The following PASD1 variants were observed in gnomAD, a reference collection of about 807,000 sequenced individuals.
PASD1 encodes circadian clock protein PASD1.
Under a neutral mutation model 58.8 loss-of-function variants are expected in PASD1, and 13 were observed. That is an observed-to-expected ratio of 0.22 (90% confidence interval 0.14 to 0.35). PASD1 has a LOEUF of 0.35. Ranked by LOEUF, PASD1 falls within the 10% of genes least tolerant of loss-of-function variation. The pLI, the probability that PASD1 is intolerant of heterozygous loss-of-function variation, is 1.00. For synonymous variants in PASD1, 236 were observed against 216.7 expected (o/e 1.09, Z -0.78); for missense variants, 734 against 568.3 (o/e 1.29, Z -2.96).
chrX:151,668,762 T>C lies in PASD1; in HGVS notation c.1072-2276T>C, dbSNP rs766663015. Among the ~76,000 whole-genome samples, 8 of 109,955 alleles carry C rather than the reference T, an allele frequency of 7.3e-5. No individual in the cohort carries two copies. The Admixed American group carries it at 7.8e-4, about 11-fold the overall frequency. On this transcript the variant is annotated intron_variant, in intron 11 of 15. Transcript: ENST00000370357. ...GTCCAGGACCAGATGGATTCACAGC[T>C]GAATTCTACCAGAGGTACAAGGAGG...
chrX:151,631,452 C>A (rs560050240), intron 8 of PASD1, among the ~76,000 whole-genome samples: 3 of 112,082 alleles, frequency 2.7e-5, no homozygotes, highest in East Asian at 2.8e-4. Flanking sequence ...AAACATTTTT[C>A]TTTTTAATTT....
chrX:151,565,558 CTTT>C (rs745371329), intron 1 of PASD1, among the ~76,000 whole-genome samples: 18 of 84,116 alleles, frequency 2.1e-4, no homozygotes, highest in South Asian at 1.0e-3. Flanking sequence ...TTTTTCCTTA[CTTT>C]TTTTTTTTTT....
rs2014351916 is a variant in PASD1, at chrX:151,664,336, C to T, written c.1059C>T (p.Gly353=). The change falls in exon 11 of 16, where the codon GGC becomes GGT. Residue 353 remains glycine, a synonymous_variant. Transcript: ENST00000370357. ...ACTCAGTGGACCTGGGGGCTGCTGGCGCAAGTGCTCAGGTACTCTGAAAGT... is the reference window on the plus strand; with the variant it reads ...ACTCAGTGGACCTGGGGGCTGCTGGTGCAAGTGCTCAGGTACTCTGAAAGT... The part of the protein sequence containing the change: ...PEDSVDLGAA[G]ASAQPLQPSS... The T allele has an allele frequency of 2.0e-5, 24 of 1,211,431 alleles. No individual in the cohort carries two copies. The highest frequency in any genetic ancestry group is 2.6e-5 in the Non-Finnish European group (23 of 895,400).
chrX:151,583,215 T>C (rs972247351), intron 1 of PASD1, among the ~76,000 whole-genome samples: 3 of 112,177 alleles, frequency 2.7e-5, no homozygotes, highest in Non-Finnish European at 5.6e-5. Context: ...TTGGGAAAGT[T>C]AGCAAAAATA....
chrX:151,662,556 G>A (rs1240943905), intron 10 of PASD1, among the ~76,000 whole-genome samples: 1 of 111,089 alleles, frequency 9.0e-6, no homozygotes, highest in Non-Finnish European at 1.9e-5. Flanking sequence ...AGTGGACTAG[G>A]AAAGATGTCT....
At chrX:151,657,261 A>C (rs2014254024) in intron 9 of PASD1, among the ~76,000 whole-genome samples, 1 of 111,920 alleles carries the variant, frequency 8.9e-6, no homozygotes, top group African/African-American at 3.3e-5. Context: ...TCTGTTTGCC[A>C]GTATTTTATT....
intron 11 of PASD1, among the ~76,000 whole-genome samples, chrX:151,666,545 C>T (rs1013737964): frequency 9.5e-6 from 1 of 105,323 alleles, no homozygotes; most frequent in African/African-American, 3.5e-5. Context: ...TCCCCCCACC[C>T]CATGACAGGC....
intron 1 of PASD1, among the ~76,000 whole-genome samples, chrX:151,590,665 C>T (rs922635570): frequency 4.7e-4 from 52 of 111,461 alleles, no homozygotes; most frequent in Non-Finnish European, 1.1e-4. Context: ...ACTGCAACCT[C>T]CGCCTCCCAG....
chrX:151,582,749 A>T (rs748565157), intron 1 of PASD1, among the ~76,000 whole-genome samples: 2 of 111,420 alleles, frequency 1.8e-5, no homozygotes, highest in Non-Finnish European at 3.8e-5. Context: ...ATTCTCAAAT[A>T]TTCAAATCCC....
chrX:151,573,254 G>A (rs142631103), intron 1 of PASD1, among the ~76,000 whole-genome samples: 1,819 of 110,585 alleles, frequency 0.016, 34 homozygotes, highest in African/African-American at 0.057. Context: ...CCCCAACCTC[G>A]GGGATTACAA....
intron 6 of PASD1, among the ~76,000 whole-genome samples, chrX:151,622,310 C>G (rs2013723090): frequency 9.1e-6 from 1 of 109,960 alleles, no homozygotes; most frequent in South Asian, 3.9e-4. Flanking sequence ...AGGTAAATAG[C>G]CCAAATAGCT....
rs1438339809 is a variant in PASD1, at chrX:151,609,034, T to G, written c.118-2630T>G. On this transcript the variant is annotated intron_variant, in intron 3 of 15. Transcript: ENST00000370357. Reference sequence around the variant, plus strand: ...CTTGATTCTGTCCATTGTGTCATTATTTTTTGTTTTATTAATTTCTGCTCT... The same window carrying G: ...CTTGATTCTGTCCATTGTGTCATTAGTTTTTGTTTTATTAATTTCTGCTCT... 2.7e-5 allele frequency among the ~76,000 whole-genome samples: 3 copies of G among 111,773 alleles called. No individual in the cohort carries two copies. In the East Asian group the frequency reaches 8.3e-4, roughly 31 times the overall value.
chrX:151,588,851 C>T (rs931906827), intron 1 of PASD1, among the ~76,000 whole-genome samples: 1 of 111,732 alleles, frequency 8.9e-6, no homozygotes, highest in Non-Finnish European at 1.9e-5. Flanking sequence ...CTCAATTAGG[C>T]CCAGAAACTC....
At chrX:151,619,321 T>G (rs757946275) in intron 4 of PASD1, among the ~76,000 whole-genome samples, 13 of 111,733 alleles carry the variant, frequency 1.2e-4, no homozygotes, top group Non-Finnish European at 2.4e-4. Flanking sequence ...AGATCAGTTC[T>G]TTTTGGATAT....
chrX:151,590,313 G>A (rs1346859628), intron 1 of PASD1, among the ~76,000 whole-genome samples: 3 of 112,111 alleles, frequency 2.7e-5, no homozygotes. Context: ...CCTGAGATAT[G>A]TAAGTAAACT....
intron 9 of PASD1, among the ~76,000 whole-genome samples, chrX:151,653,431 A>T (rs1372476710): frequency 9.1e-6 from 1 of 109,905 alleles, no homozygotes; most frequent in East Asian, 2.9e-4. Context: ...ACCTCAGGTG[A>T]TCCACCCGCT....
rs2014494332 is a variant in PASD1 at position 151,672,640 on chromosome X, A to C, written c.1895A>C (p.Gln632Pro). 1 of 1,210,323 alleles carries C rather than the reference A, an allele frequency of 8.3e-7. No homozygotes were observed. Among genetic ancestry groups the C allele is most frequent in the African/African-American group, 1.7e-5 (1 of 57,338 alleles). Residue 632 changes from glutamine to proline, a missense_variant, in exon 14 of 16, where the codon CAA becomes CCA. By Grantham distance (76) the Gln-to-Pro change is moderately conservative. Transcript: ENST00000370357. ...SGFYQDENCG[Q>P]QEDESQSFYP... ...TTCTATCAAGATGAAAACTGTGGGC[A>C]ACAGGAAGATGAGAGTCAAAGGTAA...
chrX:151,628,788 G>A (rs1327166845), intron 8 of PASD1, among the ~76,000 whole-genome samples: 3 of 111,693 alleles, frequency 2.7e-5, no homozygotes, highest in Non-Finnish European at 5.6e-5. Flanking sequence ...GGGCAGTATG[G>A]CCATTTTCAC....
intron 1 of PASD1, among the ~76,000 whole-genome samples, chrX:151,586,106 G>A (rs1444135193): frequency 9.0e-6 from 1 of 111,650 alleles, no homozygotes; most frequent in Non-Finnish European, 1.9e-5. Context: ...GGATGTAGAA[G>A]ACTGCATCTG....
Sources: allele counts gnomAD v4.1 joint callset (sites outside exome capture counted in the v4.1 genomes callset), GRCh38; gene constraint gnomAD v4.1.1; transcripts MANE v1.5; gene names NCBI Gene and HGNC (gene_info 2026-07-23, HGNC 2026-07-21).